FAM193A: variants seen among roughly 807,000 people sequenced by gnomAD.
The protein encoded by FAM193A is protein FAM193A.
FAM193A carries 22 observed loss-of-function variants against 126.5 expected under a neutral mutation model. The observed-to-expected ratio is 0.17, with a 90% CI of 0.12 to 0.25. The LOEUF is 0.25. FAM193A is among the 10% of genes least tolerant of loss of function. The pLI is 1.00. For missense variants in FAM193A, 1,675 were observed against 1,672.8 expected (o/e 1.00, Z -0.02); for synonymous variants, 761 against 646.8 (o/e 1.18, Z -2.68).
chr4:2,649,375 A>G (rs756553616), intron 7 of FAM193A, among the ~76,000 whole-genome samples: 32 of 115,256 alleles, frequency 2.8e-4, no homozygotes, highest in Non-Finnish European at 4.1e-4. Context: ...ACCCTGTCTG[A>G]AAAAAAAAAA....
Position 2,704,025 on chromosome 4 carries a change from TGG to T in FAM193A, c.4372+3483_4372+3484del, listed in dbSNP as rs1718032426. Among the ~76,000 whole-genome samples, 3 of 151,824 alleles carry T rather than the reference TGG, an allele frequency of 2.0e-5. No individual in the cohort carries two copies. The South Asian group carries it at 6.2e-4, about 31-fold the overall frequency. ...GCTCACGCCTGTTATCCCAACATGT[TGG>T]GAGGCCGAGGGAGGCGGATCACGAG... On this transcript the variant is annotated intron_variant, in intron 19 of 20. Coordinates refer to ENST00000637812, the MANE Select transcript of FAM193A (RefSeq NM_001366318.2).
intron 18 of FAM193A, among the ~76,000 whole-genome samples, chr4:2,697,207 T>G (rs1717139493): frequency 6.6e-6 from 1 of 152,130 alleles, no homozygotes; most frequent in Non-Finnish European, 1.5e-5. Flanking sequence ...ACAAAAAACG[T>G]TAGCCAGTCA....
At chr4:2,681,100 C>T (rs942903732) in intron 13 of FAM193A, among the ~76,000 whole-genome samples, 1 of 152,144 alleles carries the variant, frequency 6.6e-6, no homozygotes, top group East Asian at 1.9e-4. Context: ...AATGATTCTC[C>T]TGTGTTAGCC....
intron 15 of FAM193A, 44 bp downstream of exon 15, chr4:2,691,014 C>G (rs370268642): frequency 1.3e-6 from 2 of 1,545,162 alleles, no homozygotes; most frequent in African/African-American, 2.8e-5. Context: ...TGCAGGAAGG[C>G]TGGGCTTACT....
chr4:2,684,893 A>C (rs1400967056), intron 13 of FAM193A, among the ~76,000 whole-genome samples: 2 of 152,238 alleles, frequency 1.3e-5, no homozygotes, highest in Non-Finnish European at 1.5e-5. Context: ...CCAGGGGGGA[A>C]GAACGGCCTT....
chr4:2,699,440 C>CCA (rs1366103129), intron 18 of FAM193A, among the ~76,000 whole-genome samples: 2 of 83,716 alleles, frequency 2.4e-5, no homozygotes, highest in African/African-American at 8.4e-5. Flanking sequence ...ACTACCACCC[C>CCA]CCCCCCCACA....
At chr4:2,683,832 T>A (rs1227993605) in intron 13 of FAM193A, among the ~76,000 whole-genome samples, 1 of 152,252 alleles carries the variant, frequency 6.6e-6, no homozygotes, top group Non-Finnish European at 1.5e-5. Context: ...GATGTTTTGT[T>A]CTATTGGGGA....
chr4:2,678,333 C>T (rs1268564479), intron 13 of FAM193A, among the ~76,000 whole-genome samples: 4 of 148,336 alleles, frequency 2.7e-5, no homozygotes, highest in East Asian at 2.0e-4. Flanking sequence ...GGTTAATTCC[C>T]GTTGGTGTTT....
At chr4:2,547,238 A>C (rs1339986394) in intron 1 of FAM193A, among the ~76,000 whole-genome samples, 1 of 152,098 alleles carries the variant, frequency 6.6e-6, no homozygotes, top group Non-Finnish European at 1.5e-5. Context: ...AAATACAAAA[A>C]GTAGCTGGTT....
At chr4:2,614,868 G>A (rs1742088980) in intron 2 of FAM193A, among the ~76,000 whole-genome samples, 1 of 152,164 alleles carries the variant, frequency 6.6e-6, no homozygotes, top group Non-Finnish European at 1.5e-5. Context: ...ATTAAATGTT[G>A]TGACATAAAG....
intron 1 of FAM193A, among the ~76,000 whole-genome samples, chr4:2,559,312 G>T (rs1738457182): frequency 6.6e-6 from 1 of 152,192 alleles, no homozygotes; most frequent in South Asian, 2.1e-4. Context: ...GAAGACTTGA[G>T]TTTGAAAAAT....
At chr4:2,596,415 T>C in intron 2 of FAM193A, 86 bp downstream of exon 2, 1 of 650,450 alleles carries the variant, frequency 1.5e-6, no homozygotes, top group South Asian at 1.7e-5. Flanking sequence ...GAAATGGATT[T>C]GCTTTTGCTT....
In FAM193A at chr4:2,576,488, A is replaced by G. The variant is rs111813426; in HGVS notation, c.256-19596A>G. Among the ~76,000 whole-genome samples the G allele has an allele frequency of 1.8e-4, 28 of 152,266 alleles. 1 individual carries two copies. Among genetic ancestry groups the G allele is most frequent in the African/African-American group, 6.5e-4 (27 of 41,546 alleles). On this transcript the variant is annotated intron_variant, in intron 1 of 20. Coordinates refer to ENST00000637812, the MANE Select transcript of FAM193A (RefSeq NM_001366318.2). Reference sequence around the variant, plus strand: ...TGAGGCAGGAGGATGGCTTGAGCCCAGGGGTTTAAGGCTGTATTGCACAAT... The same window carrying G: ...TGAGGCAGGAGGATGGCTTGAGCCCGGGGGTTTAAGGCTGTATTGCACAAT...
At chr4:2,555,754 A>G (rs1400191138) in intron 1 of FAM193A, among the ~76,000 whole-genome samples, 3 of 151,824 alleles carry the variant, frequency 2.0e-5, no homozygotes, top group Admixed American at 1.3e-4. Context: ...AGTAGCTGGG[A>G]CTACAGGCGC....
chr4:2,689,998 G>A (rs1400542489), intron 14 of FAM193A, among the ~76,000 whole-genome samples: 3 of 152,342 alleles, frequency 2.0e-5, no homozygotes, highest in Admixed American at 1.3e-4. Context: ...TCGTGACCAC[G>A]GTCGGGTGCC....
chr4:2,695,203 C>T, intron 17 of FAM193A, 74 bp downstream of exon 17: 1 of 1,336,810 alleles, frequency 7.5e-7, no homozygotes, highest in Non-Finnish European at 1.0e-6. Flanking sequence ...AAATTCTGTA[C>T]TAGGTTGAAT....
intron 6 of FAM193A, among the ~76,000 whole-genome samples, chr4:2,643,890 G>A (rs553678296): frequency 6.6e-6 from 1 of 152,224 alleles, no homozygotes; most frequent in South Asian, 2.1e-4. Context: ...TTTGTTGTGG[G>A]TATCAGTAGC....
chr4:2,731,049 A>T (rs1403330869), intron 20 of FAM193A, among the ~76,000 whole-genome samples: 1 of 151,704 alleles, frequency 6.6e-6, no homozygotes. Context: ...TACAAAAATC[A>T]GCTGGACGTG....
Position 2,631,059 on chromosome 4 carries a change from T to G in FAM193A, c.928T>G (p.Ser310Ala). 1 of 1,613,502 alleles carries G rather than the reference T, an allele frequency of 6.2e-7. No individual in the cohort carries two copies. Among genetic ancestry groups the G allele is most frequent in the Non-Finnish European group, 8.5e-7 (1 of 1,180,002 alleles). Residue 310 changes from serine to alanine, a missense_variant, in exon 5 of 21, where the codon TCT (serine) becomes GCT (alanine). Ser to Ala is a moderately conservative substitution (Grantham distance 99). Around this residue, in one of 4 missense-constraint regions of FAM193A, gnomAD observed 1,186 missense variants for 1,109.2 expected, o/e 1.07. Transcript: ENST00000637812. ...GGCTGCGGCCAAGGTGAAGGCACCATCTGGCCTGCAGGGCCCGCCGCAAGC... is the reference window on the plus strand; with the variant it reads ...GGCTGCGGCCAAGGTGAAGGCACCAGCTGGCCTGCAGGGCCCGCCGCAAGC... ...LSAAAKVKAP[S>A]GLQGPPQAHQ...
Sources: allele counts gnomAD v4.1 joint callset (sites outside exome capture counted in the v4.1 genomes callset), GRCh38; gene constraint gnomAD v4.1.1; regional missense constraint gnomAD v4.1.1; transcripts MANE v1.5; gene names NCBI Gene and HGNC (gene_info 2026-07-23, HGNC 2026-07-21).